Variants in BCHE observed in about 807,000 individuals in gnomAD.
The protein encoded by BCHE is cholinesterase.
In BCHE, 48 loss-of-function variants were observed where a neutral mutation model predicts 51.3. The observed-to-expected ratio is 0.94, with a 90% CI of 0.74 to 1.19. BCHE has a LOEUF of 1.19. Among genes scored for constraint, BCHE ranks in the 50% most tolerant of loss-of-function variants. The pLI is 0.00. For synonymous variants in BCHE, 251 were observed against 238.0 expected, an observed-to-expected ratio of 1.05 and a Z score of -0.50; for missense variants, 847 against 708.2, an observed-to-expected ratio of 1.20 and a Z score of -2.23.
intron 2 of BCHE, among the ~76,000 whole-genome samples, chr3:165,826,207 T>A (rs1183530995): frequency 5.3e-5 from 8 of 152,040 alleles, no homozygotes; most frequent in Admixed American, 4.6e-4. Flanking sequence ...TCCAGAAAAA[T>A]ATTCGTAGAA....
intron 2 of BCHE, among the ~76,000 whole-genome samples, chr3:165,808,305 C>G (rs1713947892): frequency 6.6e-6 from 1 of 151,856 alleles, no homozygotes; most frequent in Non-Finnish European, 1.5e-5. Flanking sequence ...TGTTCCAACT[C>G]CAGCTATTGA....
intron 2 of BCHE, among the ~76,000 whole-genome samples, chr3:165,815,733 G>A (rs1053498998): frequency 2.0e-5 from 3 of 151,812 alleles, no homozygotes; most frequent in Admixed American, 2.0e-4. Context: ...TTAAGGACAA[G>A]TATTTTTATT....
In BCHE at chr3:165,794,631, C is replaced by T. The variant is rs916449850; in HGVS notation, c.1518-8320G>A. 5.3e-5 allele frequency among the ~76,000 whole-genome samples: 8 copies of T among 152,284 alleles called. No homozygotes were observed. The East Asian group carries it at 1.5e-3, about 29-fold the overall frequency. On this transcript the variant is annotated intron_variant, in intron 2 of 3. Transcript: ENST00000264381. ...TCACTCATGAGGGCTCTACGCTCAT[C>T]ACCTAATCACTTTCCCAAGGCCCAA...
intron 2 of BCHE, among the ~76,000 whole-genome samples, chr3:165,828,819 C>T (rs1049291736): frequency 2.6e-5 from 4 of 151,940 alleles, no homozygotes; most frequent in African/African-American, 7.3e-5. Flanking sequence ...CTCTTTTGGA[C>T]ATACTATCAC....
chr3:165,828,254 A>G (rs1714805723), intron 2 of BCHE, among the ~76,000 whole-genome samples: 1 of 152,176 alleles, frequency 6.6e-6, no homozygotes, highest in Non-Finnish European at 1.5e-5. Context: ...AACAGGGCAC[A>G]TTGAGAGAAG....
At position 165,833,355 on chromosome 3, in the gene BCHE, C is replaced by T. The variant is rs58171956; in HGVS notation, c.-8-2314G>A. On this transcript the variant is annotated intron_variant, in intron 1 of 3. Coordinates refer to ENST00000264381, the MANE Select transcript of BCHE (RefSeq NM_000055.4). ...TGTGCACACATTATAAGTGTACTCA[C>T]GCAAACTTAGATGCCATAGCCTACC... Among the ~76,000 whole-genome samples, 313 of 152,164 alleles carry T rather than the reference C, an allele frequency of 2.1e-3. 7 individuals carry two copies. In the East Asian group the frequency reaches 0.041, roughly 20 times the overall value.
chr3:165,827,672 T>C (rs539087517), intron 2 of BCHE, among the ~76,000 whole-genome samples: 5 of 152,128 alleles, frequency 3.3e-5, no homozygotes, highest in Admixed American at 2.6e-4. Context: ...CTTAAATCCT[T>C]AAATGATTTA....
intron 2 of BCHE, among the ~76,000 whole-genome samples, chr3:165,788,939 G>C (rs1204707737): frequency 6.6e-6 from 1 of 152,078 alleles, no homozygotes; most frequent in Non-Finnish European, 1.5e-5. Flanking sequence ...AATCTCCAAA[G>C]ACTTACAAAA....
chr3:165,789,590 G>A (rs908395983), intron 2 of BCHE, among the ~76,000 whole-genome samples: 1 of 152,076 alleles, frequency 6.6e-6, no homozygotes, highest in East Asian at 1.9e-4. Context: ...ATTTTTGAGA[G>A]AATATATTTT....
In BCHE at chr3:165,830,577, A is replaced by C. The variant is rs2108235654; in HGVS notation, c.457T>G (p.Leu153Val). The change falls in exon 2 of 4, where the codon TTA (leucine) becomes GTA (valine). Residue 153 changes from leucine to valine, a missense_variant. Leu to Val is a conservative substitution (Grantham distance 32). Coordinates refer to ENST00000264381, the MANE Select transcript of BCHE (RefSeq NM_000055.4). The stretch of plus-strand genomic sequence containing the variant: ...AGAAACTTGCCATCATAAACATGTA[A>C]AGATGATGTTCCAGTTTGAAAACCA... ...GGGFQTGTSS[L>V]HVYDGKFLAR... is the part of the protein sequence containing the mutation. 6.2e-7 allele frequency: 1 copy of C among 1,614,000 alleles called. No individual in the cohort carries two copies. The highest frequency in any genetic ancestry group is 1.1e-5 in the South Asian group (1 of 91,074).
At chr3:165,799,105 A>AT (rs1424101164) in intron 2 of BCHE, among the ~76,000 whole-genome samples, 2 of 152,056 alleles carry the variant, frequency 1.3e-5, no homozygotes, top group East Asian at 3.9e-4. Context: ...TAAATAAATC[A>AT]TTTTTCAACT....
At chr3:165,792,438 G>T (rs1713205713) in intron 2 of BCHE, among the ~76,000 whole-genome samples, 1 of 152,080 alleles carries the variant, frequency 6.6e-6, no homozygotes, top group African/African-American at 2.4e-5. Flanking sequence ...GCTTCCATGA[G>T]AAATACTTGA....
chr3:165,830,562 C>T lies in BCHE; in HGVS notation c.472G>A (p.Gly158Ser), dbSNP rs1714929536. The T allele has an allele frequency of 6.2e-7, 1 of 1,613,848 alleles. No homozygotes were observed. The highest frequency in any genetic ancestry group is 8.5e-7 in the Non-Finnish European group (1 of 1,179,966). ...TGTSSLHVYD[G>S]KFLARVERVI... ...CTTTCAACCCGAGCCAGAAACTTGC[C>T]ATCATAAACATGTAAAGATGATGTT... The change falls in exon 2 of 4, where the codon GGC becomes AGC. Residue 158 changes from glycine (G) to serine (S), a missense_variant. Physicochemically the swap from Gly to Ser is moderately conservative, Grantham distance 56 (BLOSUM62 0). Coordinates refer to ENST00000264381, the MANE Select transcript of BCHE (RefSeq NM_000055.4).
intron 2 of BCHE, among the ~76,000 whole-genome samples, chr3:165,795,159 C>T (rs917283753): frequency 6.6e-6 from 1 of 152,120 alleles, no homozygotes; most frequent in East Asian, 1.9e-4. Flanking sequence ...AGAAAAATGT[C>T]TTGTAAATAT....
At chr3:165,778,372 T>C (rs1712553647) in intron 3 of BCHE, 1 of 165,498 alleles carries the variant, frequency 6.0e-6, no homozygotes, top group Non-Finnish European at 1.3e-5. Context: ...TCTTACAATC[T>C]AGACTCTAAG....
At chr3:165,790,866 G>T (rs1713137823) in intron 2 of BCHE, among the ~76,000 whole-genome samples, 1 of 152,088 alleles carries the variant, frequency 6.6e-6, no homozygotes, top group African/African-American at 2.4e-5. Context: ...AGAGTGGAGG[G>T]AGCAAGGGAA....
intron 2 of BCHE, among the ~76,000 whole-genome samples, chr3:165,823,823 T>A (rs949571008): frequency 1.2e-4 from 18 of 151,986 alleles, no homozygotes; most frequent in African/African-American, 4.3e-4. Context: ...AGTGCCCTGA[T>A]CATAGTCCAC....
At chr3:165,793,177 T>A (rs776436145) in intron 2 of BCHE, among the ~76,000 whole-genome samples, 37 of 152,198 alleles carry the variant, frequency 2.4e-4, no homozygotes, top group Non-Finnish European at 4.7e-4. Context: ...AGCTTTTTAA[T>A]GTAATGTTCT....
At chr3:165,790,249 G>A (rs1713117016) in intron 2 of BCHE, among the ~76,000 whole-genome samples, 2 of 152,056 alleles carry the variant, frequency 1.3e-5, no homozygotes, top group Admixed American at 1.3e-4. Context: ...TGATTCAATC[G>A]ATCATGCCTA....
Sources: allele counts gnomAD v4.1 joint callset (sites outside exome capture counted in the v4.1 genomes callset), GRCh38; gene constraint gnomAD v4.1.1; transcripts MANE v1.5; gene names NCBI Gene and HGNC (gene_info 2026-07-23, HGNC 2026-07-21).